Variants in CLSTN2 observed in about 807,000 individuals in gnomAD.
CLSTN2 encodes calsyntenin-2.
Under a neutral mutation model 101.2 loss-of-function variants are expected in CLSTN2, and 48 were observed. That is an observed-to-expected ratio of 0.47 (90% CI 0.38 to 0.60). CLSTN2 has a LOEUF of 0.60. Ranked by LOEUF, CLSTN2 falls within the 20% of genes least tolerant of loss-of-function variation. CLSTN2 has a pLI of 0.00. For missense variants in CLSTN2, 1,160 were observed against 1,238.2 expected (o/e 0.94, Z 0.95); for synonymous variants, 481 against 463.6 (o/e 1.04, Z -0.48).
At chr3:140,484,875 A>C (rs1934204593) in intron 8 of CLSTN2, among the ~76,000 whole-genome samples, 1 of 152,050 alleles carries the variant, frequency 6.6e-6, no homozygotes, top group Non-Finnish European at 1.5e-5. Context: ...TTTTTTTTCA[A>C]GGTTTTTAAC....
At position 140,309,732 on chromosome 3, in the gene CLSTN2, C is replaced by T. The variant is rs183623569; in HGVS notation, c.233-93897C>T. ...CGTGCCCTACCAGAAATTATTCCCC[C>T]GTGACTAAGTCTTTCCTTCGTGCTT... On this transcript the variant is annotated intron_variant, in intron 2 of 16. Transcript: ENST00000458420. Among the ~76,000 whole-genome samples, 5 of 152,102 alleles carry T rather than the reference C, an allele frequency of 3.3e-5. No individual in the cohort carries two copies. In the East Asian group the frequency reaches 7.7e-4, roughly 23 times the overall value.
At chr3:140,033,585 C>A (rs2007599276) in intron 1 of CLSTN2, among the ~76,000 whole-genome samples, 2 of 152,192 alleles carry the variant, frequency 1.3e-5, no homozygotes, top group Non-Finnish European at 2.9e-5. Flanking sequence ...ACCTTCACTA[C>A]TTCATTCTGC....
chr3:140,193,670 G>T (rs1484134773), intron 2 of CLSTN2, among the ~76,000 whole-genome samples: 1 of 151,888 alleles, frequency 6.6e-6, no homozygotes, highest in Non-Finnish European at 1.5e-5. Context: ...GAATCTATAG[G>T]TTTGTATCTT....
At chr3:140,375,851 C>T (rs2087911716) in intron 2 of CLSTN2, among the ~76,000 whole-genome samples, 1 of 152,024 alleles carries the variant, frequency 6.6e-6, no homozygotes, top group Non-Finnish European at 1.5e-5. Context: ...AACAGAAAGT[C>T]TGGGGCAGAA....
intron 8 of CLSTN2, chr3:140,505,609 C>A (rs1309981545): frequency 2.6e-5 from 4 of 152,154 alleles, no homozygotes; most frequent in Non-Finnish European, 5.9e-5. Context: ...AAAGGAGCAA[C>A]ATTTATAATT....
chr3:139,967,510 C>T (rs1161552902), intron 1 of CLSTN2, among the ~76,000 whole-genome samples: 6 of 152,142 alleles, frequency 3.9e-5, no homozygotes, highest in African/African-American at 1.4e-4. Flanking sequence ...TATGTTCATC[C>T]TTCAGCAACA....
chr3:140,359,488 G>A (rs1559848147), intron 2 of CLSTN2, among the ~76,000 whole-genome samples: 1 of 152,188 alleles, frequency 6.6e-6, no homozygotes, highest in African/African-American at 2.4e-5. Context: ...AAGGAAAAAG[G>A]AATGGGGCTT....
intron 1 of CLSTN2, among the ~76,000 whole-genome samples, chr3:140,104,709 C>T (rs1417618916): frequency 6.6e-6 from 1 of 152,244 alleles, no homozygotes; most frequent in Non-Finnish European, 1.5e-5. Flanking sequence ...TATGGTGGCT[C>T]ATGCCTATTA....
At chr3:139,982,639 A>G (rs9873448) in intron 1 of CLSTN2, among the ~76,000 whole-genome samples, 49,911 of 152,134 alleles carry the variant, frequency 0.33, 10,133 homozygotes, top group Non-Finnish European at 0.46. Context: ...GTAAAGGTTC[A>G]TCTGTAGTTT....
intron 8 of CLSTN2, among the ~76,000 whole-genome samples, chr3:140,486,189 T>A (rs1326853080): frequency 1.3e-5 from 2 of 152,050 alleles, no homozygotes; most frequent in African/African-American, 4.8e-5. Flanking sequence ...CTGAAAACTT[T>A]GGAAACCAAA....
chr3:140,542,118 C>T (rs1935492045), intron 9 of CLSTN2, among the ~76,000 whole-genome samples: 3 of 152,178 alleles, frequency 2.0e-5, no homozygotes, highest in African/African-American at 7.2e-5. Context: ...AAGGGCCTAA[C>T]AAATGATGGT....
At chr3:140,244,176 C>A (rs944491729) in intron 2 of CLSTN2, among the ~76,000 whole-genome samples, 5 of 152,190 alleles carry the variant, frequency 3.3e-5, no homozygotes, top group Non-Finnish European at 5.9e-5. Context: ...TGCCAGAGGT[C>A]TCCTTGTACT....
rs578167335 is a variant in CLSTN2, at chr3:140,106,468, G to A, written c.110-69483G>A. On this transcript the variant is annotated intron_variant, in intron 1 of 16. Transcript: ENST00000458420. Reference sequence around the variant, plus strand: ...GTGAGGCCTCCCTGACACACAGGATGGAGCAGGAGGTGGGGTCTTTGTTGT... The same window carrying A: ...GTGAGGCCTCCCTGACACACAGGATAGAGCAGGAGGTGGGGTCTTTGTTGT... Among the ~76,000 whole-genome samples, 138 of 152,330 alleles carry A rather than the reference G, an allele frequency of 9.1e-4. 1 individual carries two copies. Among genetic ancestry groups the A allele is most frequent in the Non-Finnish European group, 1.4e-3 (98 of 68,032 alleles).
intron 1 of CLSTN2, among the ~76,000 whole-genome samples, chr3:139,999,816 A>G (rs2006781516): frequency 1.3e-5 from 2 of 152,112 alleles, no homozygotes. Flanking sequence ...TGGTCTAGGC[A>G]TGGTGGCATG....
chr3:140,013,165 C>T (rs906451366), intron 1 of CLSTN2, among the ~76,000 whole-genome samples: 5 of 152,250 alleles, frequency 3.3e-5, no homozygotes, highest in African/African-American at 4.8e-5. Flanking sequence ...AGTAGGAAAA[C>T]CAGGTCTCTT....
At chr3:140,479,401 C>T (rs1218958475) in intron 8 of CLSTN2, among the ~76,000 whole-genome samples, 1 of 152,134 alleles carries the variant, frequency 6.6e-6, no homozygotes, top group African/African-American at 2.4e-5. Flanking sequence ...TAACAGAATC[C>T]AGAGTTTCTA....
chr3:140,569,251 CCAAAA>C lies in CLSTN2; in HGVS notation c.*3000_*3004del. 6.6e-6 allele frequency: 1 copy of C among 152,362 alleles called. No homozygotes were observed. Among genetic ancestry groups the C allele is most frequent in the East Asian group, 1.9e-4 (1 of 5,182 alleles). 9.4% of individuals were successfully genotyped at this position (152,362 alleles called of 1,614,324 possible). ...CCCTCCATATGCTGGCATCCAGGAA[CCAAAA>C]CCCCTGAAGGCCTAGACACCCTATG... On this transcript the variant is annotated 3_prime_UTR_variant, in exon 17 of 17. Coordinates refer to ENST00000458420, the MANE Select transcript of CLSTN2 (RefSeq NM_022131.3).
At chr3:140,008,354 T>A (rs538473360) in intron 1 of CLSTN2, among the ~76,000 whole-genome samples, 2 of 152,356 alleles carry the variant, frequency 1.3e-5, no homozygotes, top group African/African-American at 4.8e-5. Context: ...TTGCCCAGTA[T>A]TCCAAGGCTC....
intron 2 of CLSTN2, among the ~76,000 whole-genome samples, chr3:140,317,496 C>T (rs948503627): frequency 2.0e-5 from 3 of 152,260 alleles, no homozygotes; most frequent in African/African-American, 7.2e-5. Context: ...AAAGTTCCTA[C>T]AGCCTGTTGG....
Sources: allele counts gnomAD v4.1 joint callset (sites outside exome capture counted in the v4.1 genomes callset), GRCh38; gene constraint gnomAD v4.1.1; transcripts MANE v1.5; gene names NCBI Gene and HGNC (gene_info 2026-07-23, HGNC 2026-07-21).